GPC5: variants seen among roughly 807,000 people sequenced by gnomAD.
GPC5 encodes the protein glypican 5.
Under a neutral mutation model 53.9 loss-of-function variants are expected in GPC5, and 47 were observed. That is an observed-to-expected ratio of 0.87 (90% CI 0.69 to 1.11). The LOEUF (loss-of-function observed/expected upper bound fraction) is 1.11. Among genes scored for constraint, GPC5 ranks in the 50% most tolerant of loss-of-function variants. GPC5 has a pLI of 0.00. For synonymous variants in GPC5, 286 were observed against 263.3 expected (o/e 1.09, Z -0.84); for missense variants, 748 against 713.1 (o/e 1.05, Z -0.56).
intron 7 of GPC5, among the ~76,000 whole-genome samples, chr13:92,751,324 A>C (rs866513459): frequency 7.4e-5 from 11 of 147,828 alleles, no homozygotes; most frequent in South Asian, 2.1e-4. Context: ...AAAAAAAAAA[A>C]AAAAAAAAAA....
At chr13:92,495,424 ATCCTG>A (rs1879934637) in intron 7 of GPC5, among the ~76,000 whole-genome samples, 1 of 152,130 alleles carries the variant, frequency 6.6e-6, no homozygotes, top group Non-Finnish European at 1.5e-5. Flanking sequence ...CCATATGGGA[ATCCTG>A]AATGACTTTG....
At chr13:92,698,311 C>T (rs1339576396) in intron 7 of GPC5, among the ~76,000 whole-genome samples, 1 of 152,046 alleles carries the variant, frequency 6.6e-6, no homozygotes, top group Non-Finnish European at 1.5e-5. Context: ...TGCTATCCCG[C>T]CCCTCTCTCC....
At position 91,508,596 on chromosome 13, in the gene GPC5, C is replaced by T. The variant is rs534074076; in HGVS notation, c.325+59674C>T. Among the ~76,000 whole-genome samples the T allele has an allele frequency of 3.3e-5, 5 of 152,196 alleles. No homozygotes were observed. In the South Asian group the frequency reaches 1.0e-3, roughly 32 times the overall value. ...ACATGAAGTTCTATTTATTAAGTGC[C>T]TGCTCTGTGTCACGCCCAGGAGATA... On this transcript the variant is annotated intron_variant, in intron 2 of 7. Coordinates refer to ENST00000377067, the MANE Select transcript of GPC5 (RefSeq NM_004466.6).
chr13:92,700,355 C>T (rs189289673), intron 7 of GPC5, among the ~76,000 whole-genome samples: 3 of 149,346 alleles, frequency 2.0e-5, no homozygotes, highest in Admixed American at 6.8e-5. Flanking sequence ...AGATGGGTCT[C>T]CTGCATACAG....
chr13:91,429,235 A>C (rs772479587), intron 1 of GPC5, among the ~76,000 whole-genome samples: 5 of 152,184 alleles, frequency 3.3e-5, no homozygotes, highest in Admixed American at 6.5e-5. Flanking sequence ...ATCTGTTTTA[A>C]TAAAAAAACT....
intron 7 of GPC5, among the ~76,000 whole-genome samples, chr13:92,662,005 C>A (rs1886361049): frequency 6.6e-6 from 1 of 152,132 alleles, no homozygotes; most frequent in Admixed American, 6.5e-5. Flanking sequence ...CTAAATCTTA[C>A]ATCCATATTT....
At chr13:91,928,674 AG>A (rs1043767068) in intron 6 of GPC5, among the ~76,000 whole-genome samples, 2 of 152,212 alleles carry the variant, frequency 1.3e-5, no homozygotes, top group Non-Finnish European at 2.9e-5. Context: ...GCAGGCACGT[AG>A]GGGACTCCAG....
chr13:91,772,669 A>G (rs1412014415), intron 5 of GPC5, among the ~76,000 whole-genome samples: 3 of 152,222 alleles, frequency 2.0e-5, no homozygotes, highest in African/African-American at 4.8e-5. Flanking sequence ...GAGAAATGCA[A>G]TGCGACACTC....
At position 91,566,901 on chromosome 13, in the gene GPC5, A is replaced by AAAG. The variant is rs1265301989; in HGVS notation, c.325+117979_325+117980insAAG. ...CAAAATAAACCATTTGAAAGATTAT[A>AAAG]TTACAAAATTAATTATTTTTCTTCC... On this transcript the variant is annotated intron_variant, in intron 2 of 7. Coordinates refer to ENST00000377067, the MANE Select transcript of GPC5 (RefSeq NM_004466.6). Among the ~76,000 whole-genome samples, 4 of 151,354 alleles carry AAAG rather than the reference A, an allele frequency of 2.6e-5. No homozygotes were observed. In the East Asian group the frequency reaches 7.7e-4, roughly 29 times the overall value.
At chr13:92,675,524 C>T (rs956829035) in intron 7 of GPC5, among the ~76,000 whole-genome samples, 11 of 151,948 alleles carry the variant, frequency 7.2e-5, no homozygotes, top group Non-Finnish European at 1.5e-4. Context: ...ATTCATAATT[C>T]CACCACAAAT....
intron 6 of GPC5, among the ~76,000 whole-genome samples, chr13:92,042,637 A>G (rs1188824655): frequency 6.6e-6 from 1 of 152,222 alleles, no homozygotes; most frequent in Non-Finnish European, 1.5e-5. Flanking sequence ...GTGAGGGGTA[A>G]TCAGATTTGC....
At chr13:91,437,240 C>T (rs1222792911) in intron 1 of GPC5, among the ~76,000 whole-genome samples, 1 of 152,142 alleles carries the variant, frequency 6.6e-6, no homozygotes, top group Non-Finnish European at 1.5e-5. Flanking sequence ...ATGATGTTAG[C>T]TGGTTATTTT....
At chr13:92,713,415 AC>A (rs1052674331) in intron 7 of GPC5, among the ~76,000 whole-genome samples, 9 of 149,290 alleles carry the variant, frequency 6.0e-5, no homozygotes, top group African/African-American at 2.2e-4. Flanking sequence ...ACACAGTGAA[AC>A]TCCGGCTCTA....
At chr13:91,639,621 A>G (rs2034370304) in intron 2 of GPC5, among the ~76,000 whole-genome samples, 1 of 147,792 alleles carries the variant, frequency 6.8e-6, no homozygotes, top group South Asian at 2.2e-4. Context: ...ATTGCACTTA[A>G]TCTTTCATTG....
intron 7 of GPC5, among the ~76,000 whole-genome samples, chr13:92,705,766 T>TAAAC (rs1274385901): frequency 6.6e-6 from 1 of 152,096 alleles, no homozygotes; most frequent in African/African-American, 2.4e-5. Flanking sequence ...TAAATAGTAT[T>TAAAC]AAACAGTGAG....
intron 7 of GPC5, among the ~76,000 whole-genome samples, chr13:92,615,560 C>T (rs1250464646): frequency 6.6e-6 from 1 of 152,078 alleles, no homozygotes; most frequent in African/African-American, 2.4e-5. Flanking sequence ...ATATAGCCTT[C>T]CTGAACCGGC....
rs535183402 is a variant in GPC5 at position 92,793,832 on chromosome 13, A to C, written c.1562-72450A>C. Among the ~76,000 whole-genome samples the C allele has an allele frequency of 1.3e-4, 20 of 152,308 alleles. No homozygotes were observed. The South Asian group carries it at 4.1e-3, about 32-fold the overall frequency. ...ACATACACCCTTCCAAGACTAAACC[A>C]GGAAGAAGTTGAATCCCTGAATAGA... On this transcript the variant is annotated intron_variant, in intron 7 of 7. Coordinates refer to ENST00000377067, the MANE Select transcript of GPC5 (RefSeq NM_004466.6).
At chr13:92,702,818 C>T (rs1005405752) in intron 7 of GPC5, among the ~76,000 whole-genome samples, 11 of 152,016 alleles carry the variant, frequency 7.2e-5, no homozygotes, top group African/African-American at 2.7e-4. Context: ...ATATGTAACT[C>T]TATGTGATCT....
At chr13:91,423,270 T>G (rs890022237) in intron 1 of GPC5, among the ~76,000 whole-genome samples, 1 of 152,244 alleles carries the variant, frequency 6.6e-6, no homozygotes, top group Non-Finnish European at 1.5e-5. Flanking sequence ...AGGGCTCATG[T>G]CTCAGCTTTT....
Sources: gnomAD v4.1 joint callset for allele counts (sites outside exome capture counted in the v4.1 genomes callset) on GRCh38, gnomAD v4.1.1 for gene constraint, MANE v1.5 for transcripts, NCBI Gene and HGNC (gene_info 2026-07-23, HGNC 2026-07-21) for gene names.